Variants in INPP4B observed in about 807,000 individuals in gnomAD.
INPP4B encodes inositol polyphosphate 4-phosphatase type II.
In INPP4B, 55 loss-of-function variants were observed where a neutral mutation model predicts 122.5. That is an observed-to-expected ratio of 0.45 (90% CI 0.36 to 0.56). The LOEUF (loss-of-function observed/expected upper bound fraction) is 0.56. Among genes scored for constraint, INPP4B ranks in the 20% least tolerant of loss-of-function variants. The probability of loss-of-function intolerance (pLI) is 0.00; values close to 1 mark genes in which losing one functional copy is unlikely to be tolerated. For synonymous variants in INPP4B, 403 were observed against 388.7 expected, an observed-to-expected ratio of 1.04 and a Z score of -0.43; for missense variants, 1,000 against 1,097.7, an observed-to-expected ratio of 0.91 and a Z score of 1.26.
chr4:142,309,691 C>T (rs1764737245), intron 8 of INPP4B, among the ~76,000 whole-genome samples: 1 of 152,214 alleles, frequency 6.6e-6, no homozygotes, highest in African/African-American at 2.4e-5. Context: ...GACAGACTCT[C>T]TGCCTGCACG....
chr4:142,325,402 T>C (rs1771944936), intron 7 of INPP4B, among the ~76,000 whole-genome samples: 1 of 152,206 alleles, frequency 6.6e-6, no homozygotes, highest in African/African-American at 2.4e-5. Context: ...TGACAGGTGG[T>C]TCCTTTGGTA....
intron 2 of INPP4B, among the ~76,000 whole-genome samples, chr4:142,602,270 A>C (rs1445431688): frequency 2.0e-5 from 3 of 152,144 alleles, no homozygotes; most frequent in Non-Finnish European, 4.4e-5. Flanking sequence ...GATACAGCTA[A>C]CATGGGAAGT....
intron 23 of INPP4B, among the ~76,000 whole-genome samples, chr4:142,103,312 C>G (rs1578907386): frequency 6.6e-6 from 1 of 151,954 alleles, no homozygotes; most frequent in Non-Finnish European, 1.5e-5. Context: ...TGAATGTTCT[C>G]ATTTTATAAT....
At chr4:142,835,252 T>C (rs994619691) in intron 1 of INPP4B, among the ~76,000 whole-genome samples, 2 of 152,184 alleles carry the variant, frequency 1.3e-5, no homozygotes, top group Non-Finnish European at 2.9e-5. Flanking sequence ...CTTATCTATA[T>C]GCAGCTTCCT....
At chr4:142,076,874 CAAA>C (rs1440134823) in intron 25 of INPP4B, among the ~76,000 whole-genome samples, 1 of 151,462 alleles carries the variant, frequency 6.6e-6, no homozygotes, top group East Asian at 1.9e-4. Context: ...CAATCAAAAA[CAAA>C]GAAAAAAATA....
intron 7 of INPP4B, among the ~76,000 whole-genome samples, chr4:142,383,155 A>T (rs1466248571): frequency 6.6e-6 from 1 of 152,108 alleles, no homozygotes; most frequent in Non-Finnish European, 1.5e-5. Flanking sequence ...GTCCGAGTAT[A>T]ATTTTTTTCA....
rs1045286861 is a variant in INPP4B at position 142,640,069 on chromosome 4, C to T, written c.-191+85770G>A. 2.0e-5 allele frequency among the ~76,000 whole-genome samples: 3 copies of T among 151,802 alleles called. No individual in the cohort carries two copies. In the East Asian group the frequency reaches 5.8e-4, roughly 29 times the overall value. On this transcript the variant is annotated intron_variant, in intron 2 of 25. Transcript: ENST00000262992. ...TGAAAAACCTCATAGGAATACTAAC[C>T]TAGAAAGGATACGAGGGCAACAGGT... is the stretch of plus-strand genomic sequence containing the variant.
At chr4:142,460,921 A>G (rs1031970230) in intron 3 of INPP4B, among the ~76,000 whole-genome samples, 6 of 148,980 alleles carry the variant, frequency 4.0e-5, no homozygotes, top group African/African-American at 1.2e-4. Flanking sequence ...GCTCACACCT[A>G]TAATTCCAGC....
At chr4:142,656,718 C>T (rs116804886) in intron 2 of INPP4B, among the ~76,000 whole-genome samples, 1,749 of 152,320 alleles carry the variant, frequency 0.011, 30 homozygotes, top group African/African-American at 0.032. Context: ...GAATAAGAGG[C>T]TCTTCCCCAG....
chr4:142,342,017 C>T (rs1197975246), intron 7 of INPP4B, among the ~76,000 whole-genome samples: 1 of 152,052 alleles, frequency 6.6e-6, no homozygotes, highest in African/African-American at 2.4e-5. Flanking sequence ...TAAGTCCTGG[C>T]CCAGAGAAGC....
intron 1 of INPP4B, among the ~76,000 whole-genome samples, chr4:142,813,163 T>C (rs921712656): frequency 2.0e-5 from 3 of 152,196 alleles, no homozygotes; most frequent in African/African-American, 7.2e-5. Context: ...ACATGTACTG[T>C]TGATATCCCA....
At chr4:142,193,008 C>A in intron 15 of INPP4B, 79 bp downstream of exon 15, 1 of 811,074 alleles carries the variant, frequency 1.2e-6, no homozygotes. Context: ...TTGTGATGGA[C>A]CAATCACCTT....
chr4:142,492,540 G>A (rs1037353583), intron 2 of INPP4B, among the ~76,000 whole-genome samples: 3 of 152,178 alleles, frequency 2.0e-5, no homozygotes, highest in Non-Finnish European at 4.4e-5. Flanking sequence ...AAGAAGTTCA[G>A]GCTGAGGTGG....
chr4:142,121,905 C>T (rs1313769486), intron 21 of INPP4B, among the ~76,000 whole-genome samples: 1 of 152,040 alleles, frequency 6.6e-6, no homozygotes, highest in Non-Finnish European at 1.5e-5. Flanking sequence ...GAGAGTACTG[C>T]CATACTCAAC....
chr4:142,036,298 T>C (rs1160530471), intron 25 of INPP4B, among the ~76,000 whole-genome samples: 1 of 152,214 alleles, frequency 6.6e-6, no homozygotes, highest in Non-Finnish European at 1.5e-5. Flanking sequence ...TCCTTTTCAA[T>C]GTCTCCTGTT....
chr4:142,620,943 T>C (rs946812877), intron 2 of INPP4B, among the ~76,000 whole-genome samples: 3 of 151,922 alleles, frequency 2.0e-5, no homozygotes, highest in Non-Finnish European at 2.9e-5. Flanking sequence ...AGTCTATACA[T>C]GTGTTAACAT....
intron 16 of INPP4B, among the ~76,000 whole-genome samples, chr4:142,169,929 T>C (rs76542464): frequency 0.016 from 2,431 of 151,780 alleles, 80 homozygotes; most frequent in African/African-American, 0.056. Context: ...ATGGAGAAAG[T>C]GATGGGTGTT....
intron 25 of INPP4B, among the ~76,000 whole-genome samples, chr4:142,070,819 C>G (rs11722499): frequency 0.06 from 9,147 of 151,986 alleles, 296 homozygotes; most frequent in Middle Eastern, 0.095. Flanking sequence ...ACAAACCACT[C>G]CTCAACGAAA....
chr4:142,316,232 C>T (rs1767600315), intron 7 of INPP4B, among the ~76,000 whole-genome samples: 1 of 152,160 alleles, frequency 6.6e-6, no homozygotes, highest in Non-Finnish European at 1.5e-5. Context: ...TTGTAGAACA[C>T]ACTCAACTCT....
Sources: gnomAD v4.1 joint callset for allele counts (sites outside exome capture counted in the v4.1 genomes callset) on GRCh38, gnomAD v4.1.1 for gene constraint, MANE v1.5 for transcripts, NCBI Gene and HGNC (gene_info 2026-07-23, HGNC 2026-07-21) for gene names.